The following GRID2 variants were observed in gnomAD, a reference collection of about 807,000 sequenced individuals.
The protein encoded by GRID2 is glutamate ionotropic receptor delta type subunit 2, also known as glutamate receptor ionotropic, delta-2.
A neutral mutation model predicts 114.8 loss-of-function variants in GRID2; 33 were observed. The ratio of observed to expected loss-of-function variants is 0.29; its 90% CI spans 0.22 to 0.38. The LOEUF (loss-of-function observed/expected upper bound fraction) is 0.38, where lower values mean the gene tolerates loss of function less well. Ranked by LOEUF, GRID2 falls within the 10% of genes least tolerant of loss-of-function variation. The pLI, the probability that GRID2 is intolerant of heterozygous loss-of-function variation, is 1.00. For synonymous variants in GRID2, 505 were observed against 449.9 expected (o/e 1.12, Z -1.55); for missense variants, 1,184 against 1,257.7 (o/e 0.94, Z 0.89).
chr4:93,530,861 A>C (rs1204820372), intron 13 of GRID2, among the ~76,000 whole-genome samples: 1 of 152,156 alleles, frequency 6.6e-6, no homozygotes, highest in Non-Finnish European at 1.5e-5. Flanking sequence ...CAAAATGTCT[A>C]AGCCTGATTC....
chr4:93,727,751 T>C (rs1730071540), intron 14 of GRID2, among the ~76,000 whole-genome samples: 1 of 152,264 alleles, frequency 6.6e-6, no homozygotes, highest in Non-Finnish European at 1.5e-5. Flanking sequence ...CCATTTCTTC[T>C]AGATTTTCTA....
intron 8 of GRID2, among the ~76,000 whole-genome samples, chr4:93,256,567 C>T (rs1244102801): frequency 6.6e-6 from 1 of 151,610 alleles, no homozygotes; most frequent in African/African-American, 2.4e-5. Context: ...TCACAGGTTG[C>T]TTCAAGATCA....
chr4:93,138,935 C>T (rs528648509), intron 4 of GRID2, among the ~76,000 whole-genome samples: 1 of 152,186 alleles, frequency 6.6e-6, no homozygotes, highest in Non-Finnish European at 1.5e-5. Flanking sequence ...GAGTGGCATA[C>T]AAGTCCTTTC....
At chr4:92,356,019 CCATT>C (rs766923312) in intron 1 of GRID2, among the ~76,000 whole-genome samples, 12 of 151,694 alleles carry the variant, frequency 7.9e-5, no homozygotes, top group Non-Finnish European at 1.8e-4. Flanking sequence ...TTTCATTCAT[CCATT>C]CATTCATTCA....
intron 2 of GRID2, among the ~76,000 whole-genome samples, chr4:93,042,281 C>CTCTCTCTCTCTCTCTT (rs1725615158): frequency 1.5e-5 from 1 of 64,936 alleles, no homozygotes; most frequent in Non-Finnish European, 3.1e-5. Flanking sequence ...CTCTTTCTCT[C>CTCTCTCTCTCTCTCTT]TCTCTCTCTC....
At position 93,427,338 on chromosome 4, in the gene GRID2, T is replaced by A. The variant is rs6810794; in HGVS notation, c.1545+4370T>A. Among the ~76,000 whole-genome samples the A allele has an allele frequency of 7.4e-3, 1,131 of 152,112 alleles. 13 individuals carry two copies. The highest frequency in any genetic ancestry group is 0.026 in the African/African-American group (1,061 of 41,538). On this transcript the variant is annotated intron_variant, in intron 10 of 15. Transcript: ENST00000282020. ...GAGCTCCAGAAAAGCAAGCTTATTA[T>A]TGTTATTATATCTTCTGATAATATA... is the stretch of plus-strand genomic sequence containing the variant.
At chr4:93,798,078 G>A (rs1456314594) in intron 1 of GRID2, among the ~76,000 whole-genome samples, 1 of 152,052 alleles carries the variant, frequency 6.6e-6, no homozygotes, top group Non-Finnish European at 1.5e-5. Flanking sequence ...GCTTGAACTT[G>A]AGAGGCAGAT....
At chr4:92,954,496 G>A (rs866267681) in intron 2 of GRID2, among the ~76,000 whole-genome samples, 24 of 151,744 alleles carry the variant, frequency 1.6e-4, no homozygotes, top group Middle Eastern at 6.8e-3. Flanking sequence ...GAGCGATCTC[G>A]ACTCACTGCA....
At chr4:93,412,674 G>C (rs571563892) in intron 9 of GRID2, among the ~76,000 whole-genome samples, 44 of 152,130 alleles carry the variant, frequency 2.9e-4, no homozygotes, top group Non-Finnish European at 4.6e-4. Context: ...TTAGTTTGCT[G>C]CACCTACCAA....
chr4:93,068,445 G>A lies in GRID2; in HGVS notation c.245-16550G>A, dbSNP rs551215538. On this transcript the variant is annotated intron_variant, in intron 2 of 15. Transcript: ENST00000282020. ...AAAATATCATTATGTTATTACTGCA[G>A]ACAGAACATTTCTTTGCAATTGGAA... is the stretch of plus-strand genomic sequence containing the variant. Among the ~76,000 whole-genome samples, 208 of 152,124 alleles carry A rather than the reference G, an allele frequency of 1.4e-3. 1 individual carries two copies. Among genetic ancestry groups the A allele is most frequent in the African/African-American group, 4.6e-3 (193 of 41,538 alleles).
chr4:92,599,028 C>CTTTTTTT (rs79836874), intron 2 of GRID2, among the ~76,000 whole-genome samples: 7 of 115,268 alleles, frequency 6.1e-5, no homozygotes, highest in African/African-American at 1.0e-4. Context: ...AATGCTTTTC[C>CTTTTTTT]TTTTTTTTTT....
chr4:92,536,021 C>T (rs1201966959), intron 1 of GRID2, among the ~76,000 whole-genome samples: 1 of 152,152 alleles, frequency 6.6e-6, no homozygotes. Flanking sequence ...AAAGGCGTTG[C>T]AGACCCAAAG....
intron 1 of GRID2, among the ~76,000 whole-genome samples, chr4:92,481,770 C>A (rs1722600516): frequency 6.6e-6 from 1 of 151,476 alleles, no homozygotes; most frequent in Non-Finnish European, 1.5e-5. Flanking sequence ...AAGAATAGCA[C>A]AGAATCTGTA....
At chr4:92,369,010 A>G (rs1231317677) in intron 1 of GRID2, among the ~76,000 whole-genome samples, 1 of 151,962 alleles carries the variant, frequency 6.6e-6, no homozygotes, top group Non-Finnish European at 1.5e-5. Flanking sequence ...AGTCCATCCA[A>G]TTATTTTACT....
intron 11 of GRID2, among the ~76,000 whole-genome samples, chr4:93,474,242 A>C (rs1725106177): frequency 6.6e-6 from 1 of 152,190 alleles, no homozygotes; most frequent in African/African-American, 2.4e-5. Context: ...ATGTAGAATC[A>C]CAGCCTGCCT....
intron 8 of GRID2, among the ~76,000 whole-genome samples, chr4:93,346,337 A>T (rs190041322): frequency 6.6e-6 from 1 of 152,272 alleles, no homozygotes; most frequent in African/African-American, 2.4e-5. Context: ...CCTCATGGTT[A>T]TATATGTGTG....
At chr4:93,603,550 G>A (rs1739913413) in intron 13 of GRID2, among the ~76,000 whole-genome samples, 1 of 152,192 alleles carries the variant, frequency 6.6e-6, no homozygotes, top group Admixed American at 6.5e-5. Context: ...ATCCATTGAT[G>A]GAGGTGGCTA....
intron 13 of GRID2, among the ~76,000 whole-genome samples, chr4:93,532,825 A>T (rs1731586593): frequency 6.6e-6 from 1 of 152,154 alleles, no homozygotes; most frequent in African/African-American, 2.4e-5. Context: ...TCCACATATT[A>T]TACACAATAA....
chr4:92,856,823 T>C lies in GRID2; in HGVS notation c.245-228172T>C, dbSNP rs141359860. Among the ~76,000 whole-genome samples the C allele has an allele frequency of 8.5e-3, 1,294 of 152,298 alleles. 11 individuals carry two copies. Among genetic ancestry groups the C allele is most frequent in the Non-Finnish European group, 0.013 (880 of 68,012 alleles). On this transcript the variant is annotated intron_variant, in intron 2 of 15. Coordinates refer to ENST00000282020, the MANE Select transcript of GRID2 (RefSeq NM_001510.4). ...GGATACCTTTAAGCATTTTGCTTTA[T>C]GGCACTTCACAGATACCGAACTTTT...
Sources: gnomAD v4.1 joint callset for allele counts (sites outside exome capture counted in the v4.1 genomes callset) on GRCh38, gnomAD v4.1.1 for gene constraint, MANE v1.5 for transcripts, NCBI Gene and HGNC (gene_info 2026-07-23, HGNC 2026-07-21) for gene names.